The following DLGAP2 variants were observed in gnomAD, a reference collection of about 807,000 sequenced individuals.
DLGAP2 encodes the protein DLG associated protein 2.
Under a neutral mutation model 100.3 loss-of-function variants are expected in DLGAP2, and 26 were observed. That is an observed-to-expected ratio of 0.26 (90% confidence interval 0.19 to 0.36). The LOEUF (loss-of-function observed/expected upper bound fraction) is 0.36. Among genes scored for constraint, DLGAP2 ranks in the 10% least tolerant of loss-of-function variants. The probability of loss-of-function intolerance (pLI) is 1.00; values close to 1 mark genes in which losing one functional copy is unlikely to be tolerated. For missense variants in DLGAP2, 1,858 were observed against 1,453.2 expected (o/e 1.28, Z -4.53); for synonymous variants, 886 against 630.1 (o/e 1.41, Z -6.08).
chr8:1,044,398 G>T (rs1021836674), intron 2 of DLGAP2, among the ~76,000 whole-genome samples: 4 of 152,204 alleles, frequency 2.6e-5, no homozygotes, highest in African/African-American at 9.6e-5. Context: ...TCCTCCACCT[G>T]CCCAGGTGGC....
chr8:1,283,157 C>G (rs201059249), intron 3 of DLGAP2, among the ~76,000 whole-genome samples: 2 of 149,406 alleles, frequency 1.3e-5, no homozygotes, highest in African/African-American at 2.5e-5. Context: ...CGTGAACCAT[C>G]TGGACGTGGT....
At chr8:1,155,712 T>A (rs1038707160) in intron 2 of DLGAP2, among the ~76,000 whole-genome samples, 1 of 151,352 alleles carries the variant, frequency 6.6e-6, no homozygotes, top group Non-Finnish European at 1.5e-5. Flanking sequence ...CCAGCGCTTC[T>A]CACTTCCCCG....
intron 3 of DLGAP2, among the ~76,000 whole-genome samples, chr8:1,291,073 A>G (rs1297072742): frequency 6.6e-6 from 1 of 152,218 alleles, no homozygotes; most frequent in African/African-American, 2.4e-5. Context: ...TCCTGAAAAC[A>G]TAACAGTCAC....
intron 3 of DLGAP2, among the ~76,000 whole-genome samples, chr8:1,269,176 C>A (rs946217437): frequency 2.6e-5 from 4 of 152,234 alleles, no homozygotes; most frequent in Non-Finnish European, 5.9e-5. Context: ...TTCGTTGCTG[C>A]TTCCTTCCCT....
At chr8:824,410 C>T (rs992031537) in intron 1 of DLGAP2, among the ~76,000 whole-genome samples, 4 of 152,260 alleles carry the variant, frequency 2.6e-5, no homozygotes, top group Admixed American at 6.5e-5. Flanking sequence ...TCAGCACAGC[C>T]CCTCTTGATT....
At chr8:1,475,725 C>T (rs945637588) in intron 3 of DLGAP2, among the ~76,000 whole-genome samples, 3 of 152,120 alleles carry the variant, frequency 2.0e-5, no homozygotes, top group Non-Finnish European at 4.4e-5. Context: ...TGGCACCTGC[C>T]GGCTTGGGGA....
At chr8:824,795 G>T (rs1178537828) in intron 1 of DLGAP2, among the ~76,000 whole-genome samples, 1 of 152,144 alleles carries the variant, frequency 6.6e-6, no homozygotes, top group East Asian at 1.9e-4. Context: ...CCAGGGATGT[G>T]GTCACACCCA....
intron 6 of DLGAP2, among the ~76,000 whole-genome samples, chr8:1,586,398 G>T (rs1433782331): frequency 1.3e-5 from 2 of 152,226 alleles, no homozygotes; most frequent in Non-Finnish European, 2.9e-5. Context: ...TGGACGGGGT[G>T]TGGGGTCTCT....
At chr8:1,545,268 C>T (rs538766826) in intron 4 of DLGAP2, among the ~76,000 whole-genome samples, 73 of 152,174 alleles carry the variant, frequency 4.8e-4, no homozygotes, top group South Asian at 1.5e-3. Context: ...CTGAACTTTT[C>T]GTCCCACAAG....
intron 13 of DLGAP2, among the ~76,000 whole-genome samples, chr8:1,695,278 A>G (rs7839353): frequency 0.11 from 16,710 of 146,828 alleles, 379 homozygotes; most frequent in African/African-American, 0.21. Flanking sequence ...GCCCGGCCCT[A>G]CAGAAAGAGG....
At chr8:1,426,331 C>G (rs1418527719) in intron 3 of DLGAP2, among the ~76,000 whole-genome samples, 2 of 152,146 alleles carry the variant, frequency 1.3e-5, no homozygotes, top group Non-Finnish European at 2.9e-5. Flanking sequence ...ACTAGATCTG[C>G]TCAAAGTCCA....
intron 4 of DLGAP2, among the ~76,000 whole-genome samples, chr8:1,504,126 A>T (rs11136401): frequency 0.62 from 94,499 of 151,818 alleles, 30,433 homozygotes; most frequent in South Asian, 0.74. Context: ...TTAAAAACAT[A>T]CCAGTGCCCA....
intron 2 of DLGAP2, among the ~76,000 whole-genome samples, chr8:1,126,226 C>G (rs567868928): frequency 6.6e-6 from 1 of 152,310 alleles, no homozygotes; most frequent in East Asian, 1.9e-4. Context: ...CAGCCCTGTA[C>G]CCTTTATTCT....
At chr8:746,410 G>T (rs1043085665) in intron 1 of DLGAP2, among the ~76,000 whole-genome samples, 2 of 152,238 alleles carry the variant, frequency 1.3e-5, no homozygotes, top group Admixed American at 6.5e-5. Flanking sequence ...GGGTCAGATG[G>T]CGCATTGGAT....
At chr8:1,074,199 G>A (rs181270253) in intron 2 of DLGAP2, among the ~76,000 whole-genome samples, 348 of 147,600 alleles carry the variant, frequency 2.4e-3, no homozygotes, top group Admixed American at 0.023. Flanking sequence ...GTTTGCAGCA[G>A]ACTGAAGCTG....
chr8:1,558,725 C>G (rs1182882816), intron 5 of DLGAP2, among the ~76,000 whole-genome samples: 1 of 151,886 alleles, frequency 6.6e-6, no homozygotes, highest in Non-Finnish European at 1.5e-5. Context: ...ATTACACATA[C>G]CCACACATAC....
Position 1,686,429 on chromosome 8 carries a change from A to T in DLGAP2, c.2705-5106A>T, listed in dbSNP as rs548898906. Among the ~76,000 whole-genome samples, 8 of 152,280 alleles carry T rather than the reference A, an allele frequency of 5.3e-5. No individual in the cohort carries two copies. In the East Asian group the frequency reaches 1.4e-3, roughly 26 times the overall value. On this transcript the variant is annotated intron_variant, in intron 12 of 14. Transcript: ENST00000637795. ...ATGCCTGTAATCCCAGCACTTTGGG[A>T]GGATAAGGCAGGCAGATCACCTGAG...
intron 9 of DLGAP2, among the ~76,000 whole-genome samples, chr8:1,669,296 C>T (rs1432361309): frequency 1.3e-5 from 2 of 152,210 alleles, no homozygotes; most frequent in South Asian, 2.1e-4. Flanking sequence ...ATGATATAGA[C>T]GTGGCAGACG....
intron 2 of DLGAP2, among the ~76,000 whole-genome samples, chr8:922,210 A>C (rs1290407585): frequency 6.6e-6 from 1 of 152,188 alleles, no homozygotes; most frequent in Non-Finnish European, 1.5e-5. Flanking sequence ...ATAATACTTT[A>C]AGCTGGAAGT....
Sources: gnomAD v4.1 joint callset for allele counts (sites outside exome capture counted in the v4.1 genomes callset) on GRCh38, gnomAD v4.1.1 for gene constraint, MANE v1.5 for transcripts, NCBI Gene and HGNC (gene_info 2026-07-23, HGNC 2026-07-21) for gene names.